Variants in KYAT3 observed in about 807,000 individuals in gnomAD.
KYAT3 encodes the protein kynurenine--oxoglutarate transaminase 3.
KYAT3 carries 50 observed loss-of-function variants against 59.0 expected under a neutral mutation model. The ratio of observed to expected loss-of-function variants is 0.85; its 90% CI spans 0.68 to 1.07. KYAT3 has a LOEUF of 1.07. KYAT3 is among the 50% of genes least tolerant of loss of function. The pLI is 0.00. For missense variants in KYAT3, 497 were observed against 533.3 expected, an observed-to-expected ratio of 0.93 and a Z score of 0.67; for synonymous variants, 148 against 177.0, an observed-to-expected ratio of 0.84 and a Z score of 1.30.
At chr1:88,981,994 T>A (rs1677114982) in intron 2 of KYAT3, 1 of 982,232 alleles carries the variant, frequency 1.0e-6, no homozygotes, top group Admixed American at 6.1e-5. Context: ...TATTTAGTAT[T>A]CCGTAGTTGT....
At chr1:88,943,654 G>A (rs915912515) in intron 11 of KYAT3, among the ~76,000 whole-genome samples, 1 of 152,224 alleles carries the variant, frequency 6.6e-6, no homozygotes, top group African/African-American at 2.4e-5. Flanking sequence ...ATACATCAGG[G>A]TGATTAGGCT....
chr1:88,940,856 C>T (rs959428576), intron 13 of KYAT3, among the ~76,000 whole-genome samples: 17 of 152,142 alleles, frequency 1.1e-4, no homozygotes, highest in Admixed American at 6.5e-5. Context: ...AGTGCAGCGA[C>T]TGCTCCTACT....
At chr1:88,921,830 G>C in the KYAT3 span, among the ~76,000 whole-genome samples, 31 of 152,146 alleles carry the variant, frequency 2.0e-4, no homozygotes, top group Non-Finnish European at 3.8e-4. Context: ...CTTTAACTCA[G>C]GGGAAGTCAG....
At chr1:88,954,400 G>C (rs907429968) in intron 9 of KYAT3, among the ~76,000 whole-genome samples, 2 of 152,172 alleles carry the variant, frequency 1.3e-5, no homozygotes, top group Non-Finnish European at 2.9e-5. Context: ...TCTGTCATCT[G>C]TAAAATGAGG....
chr1:88,988,409 TCAGACACTTA>T, intron 1 of KYAT3, 58 bp from the exon 2 acceptor site: 1 of 953,506 alleles, frequency 1.0e-6, no homozygotes, highest in Non-Finnish European at 1.7e-6. Context: ...TACATCACTA[TCAGACACTTA>T]CAGCTAGCTG....
chr1:88,956,624 A>G (rs2101037898), intron 8 of KYAT3, among the ~76,000 whole-genome samples: 2 of 152,280 alleles, frequency 1.3e-5, no homozygotes, highest in Middle Eastern at 6.8e-3. Flanking sequence ...AGAATAGAAG[A>G]GGGTGTTGAG....
intron 2 of KYAT3, chr1:88,983,550 T>C (rs1460563993): frequency 6.2e-7 from 1 of 1,614,268 alleles, no homozygotes. Context: ...GGTCCATGTC[T>C]ACCTCTTTCA....
At chr1:88,982,493 C>T (rs555897489) in intron 2 of KYAT3, 2 of 1,213,336 alleles carry the variant, frequency 1.6e-6, no homozygotes, top group African/African-American at 1.5e-5. Context: ...TACTTTTTTC[C>T]TCACAAGAAC....
intron 6 of KYAT3, 78 bp from the exon 7 acceptor site, chr1:88,961,584 G>A: frequency 1.6e-5 from 20 of 1,239,024 alleles, no homozygotes; most frequent in East Asian, 4.9e-5. Flanking sequence ...ACCTAATAAG[G>A]AAAAAAACAT....
chr1:88,967,620 T>C (rs1557695619), intron 4 of KYAT3, among the ~76,000 whole-genome samples: 6 of 152,140 alleles, frequency 3.9e-5, no homozygotes. Flanking sequence ...GTGTCAGTTT[T>C]GGTAATTTGT....
chr1:88,968,823 G>A lies in KYAT3; in HGVS notation c.159-9C>T. 1 of 1,562,628 alleles carries A rather than the reference G, an allele frequency of 6.4e-7. No individual in the cohort carries two copies. Among genetic ancestry groups the A allele is most frequent in the Non-Finnish European group, 8.6e-7 (1 of 1,162,184 alleles). Reference sequence around the variant, plus strand: ...ATTTGGTAAATTCAATCCTAAGATTGAAAAAAATACTAATATTAATAAGTT... The same window carrying A: ...ATTTGGTAAATTCAATCCTAAGATTAAAAAAAATACTAATATTAATAAGTT... On this transcript the variant is annotated splice_polypyrimidine_tract_variant and intron_variant, in intron 3 of 13. Transcript: ENST00000260508.
At chr1:88,946,654 C>A (rs1675454394) in intron 11 of KYAT3, among the ~76,000 whole-genome samples, 1 of 150,898 alleles carries the variant, frequency 6.6e-6, no homozygotes, top group Non-Finnish European at 1.5e-5. Flanking sequence ...TAAGTGATGA[C>A]AACTGTGCTA....
downstream of KYAT3, among the ~76,000 whole-genome samples, chr1:88,932,000 A>G (rs1011992689): frequency 6.6e-5 from 10 of 150,584 alleles, no homozygotes; most frequent in Middle Eastern, 3.2e-3. Context: ...CCAGACATGG[A>G]GTTTCCCATG....
chr1:88,983,922 G>GA, intron 2 of KYAT3: 6 of 1,455,944 alleles, frequency 4.1e-6, no homozygotes, highest in Non-Finnish European at 5.8e-6. Flanking sequence ...ACCAGTGGCG[G>GA]CTGTCAGTTA....
intron 10 of KYAT3, 76 bp from the exon 11 acceptor site, chr1:88,949,353 A>T (rs939451883): frequency 1.9e-6 from 2 of 1,056,186 alleles, no homozygotes; most frequent in Non-Finnish European, 2.7e-6. Context: ...GGTATAATAA[A>T]TAGAGATGAT....
intron 9 of KYAT3, 41 bp from the exon 10 acceptor site, chr1:88,953,193 G>T: frequency 7.5e-7 from 1 of 1,330,972 alleles, no homozygotes. Flanking sequence ...AAATCTAATT[G>T]TATATAACAA....
At chr1:88,933,928 G>A (rs1173202999), downstream of KYAT3, among the ~76,000 whole-genome samples, 1 of 152,094 alleles carries the variant, frequency 6.6e-6, no homozygotes, top group Non-Finnish European at 1.5e-5. Flanking sequence ...TGTCGGCCTT[G>A]GACAAGTCAA....
chr1:88,990,717 T>C (rs576884960), intron 1 of KYAT3, among the ~76,000 whole-genome samples: 7 of 152,264 alleles, frequency 4.6e-5, no homozygotes, highest in East Asian at 1.9e-4. Flanking sequence ...TGTGGGAGCA[T>C]AGGTGAAAAA....
At chr1:88,937,764 C>T (rs1277333234) in intron 13 of KYAT3, among the ~76,000 whole-genome samples, 3 of 152,172 alleles carry the variant, frequency 2.0e-5, no homozygotes, top group South Asian at 2.1e-4. Context: ...ATCATCACTT[C>T]TGTGGTTTCC....
Sources: gnomAD v4.1 joint callset for allele counts (sites outside exome capture counted in the v4.1 genomes callset) on GRCh38, gnomAD v4.1.1 for gene constraint, MANE v1.5 for transcripts, NCBI Gene and HGNC (gene_info 2026-07-23, HGNC 2026-07-21) for gene names.